BLK: variants seen among roughly 807,000 people sequenced by gnomAD.
The protein encoded by BLK is BLK proto-oncogene, Src family tyrosine kinase, also known as tyrosine-protein kinase Blk.
Under a neutral mutation model 61.8 loss-of-function variants are expected in BLK, and 64 were observed. The ratio of observed to expected loss-of-function variants is 1.03; its 90% CI spans 0.85 to 1.27. BLK has a LOEUF of 1.27. Ranked by LOEUF, BLK falls within the 50% of genes most tolerant of loss-of-function variation. The pLI, the probability that BLK is intolerant of heterozygous loss-of-function variation, is 0.00. For synonymous variants in BLK, 351 were observed against 272.0 expected, an observed-to-expected ratio of 1.29 and a Z score of -2.86; for missense variants, 853 against 660.5, an observed-to-expected ratio of 1.29 and a Z score of -3.19.
At chr8:11,518,860 G>C (rs1209001705) in intron 1 of BLK, among the ~76,000 whole-genome samples, 2 of 152,158 alleles carry the variant, frequency 1.3e-5, no homozygotes, top group Non-Finnish European at 2.9e-5. Context: ...TGCACTTTTA[G>C]AGCCGTCTCT....
chr8:11,541,435 G>A (rs1362826293), intron 1 of BLK, among the ~76,000 whole-genome samples: 28 of 151,558 alleles, frequency 1.8e-4, no homozygotes, highest in East Asian at 5.8e-4. Flanking sequence ...CATATTGATC[G>A]ATATTGTATA....
At chr8:11,523,675 T>G (rs1408967740) in intron 1 of BLK, among the ~76,000 whole-genome samples, 1 of 152,158 alleles carries the variant, frequency 6.6e-6, no homozygotes, top group Admixed American at 6.5e-5. Context: ...TCCATATCAT[T>G]GACAAAATGA....
intron 1 of BLK, among the ~76,000 whole-genome samples, chr8:11,507,865 G>A (rs1798840148): frequency 6.6e-6 from 1 of 152,184 alleles, no homozygotes; most frequent in South Asian, 2.1e-4. Flanking sequence ...CTACACGTGA[G>A]CACTGGCCTT....
At chr8:11,529,857 T>C (rs1429951576) in intron 1 of BLK, among the ~76,000 whole-genome samples, 6 of 152,150 alleles carry the variant, frequency 3.9e-5, no homozygotes, top group African/African-American at 1.4e-4. Flanking sequence ...GTTTCAAAAG[T>C]CCTAGCTTCA....
At chr8:11,547,991 G>A (rs1800720227) in intron 3 of BLK, 41 bp from the exon 4 acceptor site, 9 of 1,564,810 alleles carry the variant, frequency 5.8e-6, no homozygotes, top group South Asian at 3.3e-5. Flanking sequence ...CTTCCCGCTT[G>A]TGGGCCTGAG....
intron 1 of BLK, among the ~76,000 whole-genome samples, 183 bp from the exon 2 acceptor site, chr8:11,543,041 G>C (rs891005419): frequency 8.5e-5 from 13 of 152,138 alleles, no homozygotes; most frequent in African/African-American, 3.1e-4. Context: ...CCCGAAAAAA[G>C]ATGGACACCC....
chr8:11,539,592 T>C lies in BLK; in HGVS notation c.-1-3632T>C, dbSNP rs375694380. On this transcript the variant is annotated intron_variant, in intron 1 of 12. Coordinates refer to ENST00000259089, the MANE Select transcript of BLK (RefSeq NM_001715.3). Reference sequence around the variant, plus strand: ...AAAAGGTATGTGTGCTTTTTTATTTTAACAGAATTTAAAAGATTGCCCTTT... The same window carrying C: ...AAAAGGTATGTGTGCTTTTTTATTTCAACAGAATTTAAAAGATTGCCCTTT... 3.3e-5 allele frequency among the ~76,000 whole-genome samples: 5 copies of C among 152,320 alleles called. No individual in the cohort carries two copies. The East Asian group carries it at 9.6e-4, about 29-fold the overall frequency.
At chr8:11,562,919 G>A in intron 11 of BLK, 60 bp from the exon 12 acceptor site, 3 of 1,610,274 alleles carry the variant, frequency 1.9e-6, no homozygotes, top group South Asian at 1.1e-5. Context: ...GTAGGGGTGA[G>A]GATGGAGGGT....
At chr8:11,522,092 G>A (rs989010088) in intron 1 of BLK, among the ~76,000 whole-genome samples, 2 of 151,902 alleles carry the variant, frequency 1.3e-5, no homozygotes, top group Non-Finnish European at 2.9e-5. Flanking sequence ...CTTTAACATC[G>A]TTCAGTAAAG....
intron 1 of BLK, among the ~76,000 whole-genome samples, chr8:11,526,558 C>T (rs1006966284): frequency 6.6e-6 from 1 of 151,864 alleles, no homozygotes; most frequent in Non-Finnish European, 1.5e-5. Flanking sequence ...ATCTCTAATA[C>T]AAATACAAAA....
At chr8:11,528,409 C>T (rs1005274443) in intron 1 of BLK, among the ~76,000 whole-genome samples, 1 of 152,174 alleles carries the variant, frequency 6.6e-6, no homozygotes, top group South Asian at 2.1e-4. Context: ...CCAGCAATGA[C>T]CAAGGAGAGC....
At chr8:11,548,847 C>A (rs898058019) in intron 4 of BLK, among the ~76,000 whole-genome samples, 177 bp from the exon 5 acceptor site, 1 of 152,096 alleles carries the variant, frequency 6.6e-6, no homozygotes, top group Non-Finnish European at 1.5e-5. Flanking sequence ...AGAACTTGCC[C>A]GGATAGCCAC....
intron 1 of BLK, among the ~76,000 whole-genome samples, chr8:11,539,443 A>AT (rs1347130610): frequency 6.6e-6 from 1 of 151,478 alleles, no homozygotes; most frequent in South Asian, 2.1e-4. Context: ...TCTGTTTGGG[A>AT]TTTTTTTTCG....
intron 10 of BLK, chr8:11,560,382 G>GATGGATGGATGC (rs1017956930): frequency 4.9e-6 from 1 of 203,714 alleles, no homozygotes; most frequent in Non-Finnish European, 9.5e-6. Context: ...TGGGTGGGTG[G>GATGGATGGATGC]ATGGATGGAT....
chr8:11,537,122 C>G (rs1424110135), intron 1 of BLK, among the ~76,000 whole-genome samples: 12 of 152,184 alleles, frequency 7.9e-5, no homozygotes. Flanking sequence ...GAGGAAGCCT[C>G]ATTTCAGTGG....
At chr8:11,558,963 T>G (rs1163186157) in intron 10 of BLK, 47 of 455,810 alleles carry the variant, frequency 1.0e-4, no homozygotes, top group Non-Finnish European at 1.3e-4. Flanking sequence ...TCCGCTGAGG[T>G]GGGCAGACAG....
intron 1 of BLK, among the ~76,000 whole-genome samples, chr8:11,504,298 G>A (rs1798676034): frequency 6.6e-6 from 1 of 150,580 alleles, no homozygotes; most frequent in Admixed American, 6.7e-5. Context: ...ACTCCAGCTT[G>A]AGCAACAGAG....
intron 9 of BLK, 35 bp downstream of exon 9, chr8:11,556,872 A>G: frequency 6.3e-7 from 1 of 1,599,828 alleles, no homozygotes; most frequent in Non-Finnish European, 8.5e-7. Flanking sequence ...CCTCAGAGCG[A>G]GGCGGGAGGG....
intron 1 of BLK, chr8:11,509,397 T>C (rs965145623): frequency 6.6e-6 from 1 of 152,236 alleles, no homozygotes; most frequent in South Asian, 2.1e-4. Context: ...ATGACGTGAA[T>C]CCAAAAATCA....
Sources: allele counts gnomAD v4.1 joint callset (sites outside exome capture counted in the v4.1 genomes callset), GRCh38; gene constraint gnomAD v4.1.1; transcripts MANE v1.5; gene names NCBI Gene and HGNC (gene_info 2026-07-23, HGNC 2026-07-21).